The following AGAP1 variants were observed in gnomAD, a reference collection of about 807,000 sequenced individuals.
AGAP1 encodes arf-GAP with GTPase, ANK repeat and PH domain-containing protein 1.
AGAP1 carries 29 observed loss-of-function variants against 105.3 expected under a neutral mutation model. The ratio of observed to expected loss-of-function variants is 0.28; its 90% confidence interval spans 0.21 to 0.38. AGAP1 has a LOEUF of 0.38. Ranked by LOEUF, AGAP1 falls within the 10% of genes least tolerant of loss-of-function variation. The pLI is 1.00. For synonymous variants in AGAP1, 509 were observed against 485.9 expected, an observed-to-expected ratio of 1.05 and a Z score of -0.63; for missense variants, 998 against 1,165.1, an observed-to-expected ratio of 0.86 and a Z score of 2.09.
At chr2:236,039,852 G>A (rs1210479352) in intron 14 of AGAP1, among the ~76,000 whole-genome samples, 2 of 152,148 alleles carry the variant, frequency 1.3e-5, no homozygotes, top group Non-Finnish European at 2.9e-5. Flanking sequence ...CTTAACTATG[G>A]ATGGCCGTAT....
intron 1 of AGAP1, among the ~76,000 whole-genome samples, chr2:235,570,282 T>C (rs4571013): frequency 0.62 from 93,768 of 152,132 alleles, 31,438 homozygotes; most frequent in African/African-American, 0.9. Flanking sequence ...TACAAGCCCC[T>C]GCCTCCATTA....
chr2:235,558,736 C>T (rs1456356928), intron 1 of AGAP1, among the ~76,000 whole-genome samples: 1 of 152,080 alleles, frequency 6.6e-6, no homozygotes, highest in African/African-American at 2.4e-5. Context: ...CGCTTTCAGC[C>T]GCAGCAACTT....
Position 236,012,725 on chromosome 2 carries a change from A to T in AGAP1, c.1646-23836A>T, listed in dbSNP as rs1466657600. On this transcript the variant is annotated intron_variant, in intron 13 of 17. Transcript: ENST00000304032. This position sits in a 1 kb window ranked among gnomAD's most constrained non-coding sequence, Gnocchi z 4.9. ...TAAATGTAGACCCGTATCCTTTAAC[A>T]CCGCAGATGCCTGCTAGTTTAGAGG... Among the ~76,000 whole-genome samples the T allele has an allele frequency of 6.6e-6, 1 of 152,026 alleles. No homozygotes were observed. Among genetic ancestry groups the T allele is most frequent in the Non-Finnish European group, 1.5e-5 (1 of 68,036 alleles).
intron 9 of AGAP1, among the ~76,000 whole-genome samples, chr2:235,868,066 C>T (rs2049266768): frequency 7.2e-5 from 11 of 152,126 alleles, no homozygotes; most frequent in Admixed American, 7.2e-4. Context: ...TTTCTTTGAC[C>T]TATTTTAGAA....
intron 11 of AGAP1, among the ~76,000 whole-genome samples, chr2:235,912,130 T>C (rs2125060889): frequency 1.3e-5 from 2 of 152,386 alleles, no homozygotes; most frequent in East Asian, 3.9e-4. Flanking sequence ...AGCAGCTTCA[T>C]TAAAATCTTG....
chr2:235,605,931 G>T (rs1447340555), intron 1 of AGAP1, among the ~76,000 whole-genome samples: 1 of 152,218 alleles, frequency 6.6e-6, no homozygotes, highest in Non-Finnish European at 1.5e-5. Context: ...AGTGCTGTCT[G>T]CAGACACAAA....
At chr2:235,670,144 G>A in intron 1 of AGAP1, 1 of 581,348 alleles carries the variant, frequency 1.7e-6, no homozygotes, top group South Asian at 1.8e-5. Context: ...CGCCACCCGC[G>A]GACGCGATGC....
In AGAP1 at chr2:235,984,493, T is replaced by TAAA. The variant is rs34531445; in HGVS notation, c.1645+15883_1645+15885dup. On this transcript the variant is annotated intron_variant, in intron 13 of 17. Coordinates refer to ENST00000304032, the MANE Select transcript of AGAP1 (RefSeq NM_001037131.3). Reference sequence around the variant, plus strand: ...TTCTTTTTTTTTTTCCTTTATTTCTTAAAAAAAAAAAAAAATAGATGCGCA... The same window carrying TAAA: ...TTCTTTTTTTTTTTCCTTTATTTCTTAAAAAAAAAAAAAAAAAATAGATGCGCA... Among the ~76,000 whole-genome samples the TAAA allele has an allele frequency of 6.3e-4, 88 of 139,300 alleles. 1 individual carries two copies. Among genetic ancestry groups the TAAA allele is most frequent in the African/African-American group, 1.6e-3 (58 of 37,308 alleles). 91.4% of individuals were successfully genotyped at this position (139,300 alleles called of 152,430 possible).
chr2:235,844,103 A>T (rs1961186386), intron 9 of AGAP1, among the ~76,000 whole-genome samples: 1 of 152,154 alleles, frequency 6.6e-6, no homozygotes, highest in Admixed American at 6.5e-5. Context: ...TTCCTGCTGA[A>T]AGCCTTCTGG....
rs534018622 is a variant in AGAP1 at position 235,725,050 on chromosome 2, G to A, written c.310+7406G>A. On this transcript the variant is annotated intron_variant, in intron 3 of 17. Transcript: ENST00000304032. The surrounding 1 kb of genome is among the most constrained non-coding windows in gnomAD (Gnocchi z 5.7). ...AGGCTGTGCTGCACTGAGGCTGAAG[G>A]GTTCTGGGATTTTCCACTGTGTGTT... Among the ~76,000 whole-genome samples the A allele has an allele frequency of 2.6e-5, 4 of 152,308 alleles. No individual in the cohort carries two copies. Among genetic ancestry groups the A allele is most frequent in the African/African-American group, 9.6e-5 (4 of 41,562 alleles).
chr2:235,852,790 G>C (rs922262745), intron 9 of AGAP1: 74 of 1,535,408 alleles, frequency 4.8e-5, no homozygotes, highest in Non-Finnish European at 6.1e-5. Context: ...GGGGTGGTCA[G>C]ACCAGCCCGC....
rs775350024 is a variant in AGAP1, at chr2:235,724,692, C to T, written c.310+7048C>T. 6.6e-6 allele frequency among the ~76,000 whole-genome samples: 1 copy of T among 152,096 alleles called. No individual in the cohort carries two copies. Among genetic ancestry groups the T allele is most frequent in the Admixed American group, 6.5e-5 (1 of 15,270 alleles). On this transcript the variant is annotated intron_variant, in intron 3 of 17. Transcript: ENST00000304032. This position sits in a 1 kb window ranked among gnomAD's most constrained non-coding sequence, Gnocchi z 4.9. Reference sequence around the variant, plus strand: ...GAGGAAAAGCTTTAAGAGAAAATACCAGGTGCTAAGAGTAATTATAACTAC... The same window carrying T: ...GAGGAAAAGCTTTAAGAGAAAATACTAGGTGCTAAGAGTAATTATAACTAC...
At chr2:235,758,644 A>G (rs1161507840) in intron 6 of AGAP1, among the ~76,000 whole-genome samples, 1 of 152,188 alleles carries the variant, frequency 6.6e-6, no homozygotes, top group Non-Finnish European at 1.5e-5. Context: ...GGGGGTTCAT[A>G]TTTGAACATT....
intron 12 of AGAP1, among the ~76,000 whole-genome samples, chr2:235,949,527 C>A (rs76555794): frequency 0.023 from 3,548 of 152,242 alleles, 147 homozygotes; most frequent in African/African-American, 0.081. Context: ...TCTTTCTTCA[C>A]AACTGAACAG....
At chr2:235,634,437 C>T (rs983917729) in intron 1 of AGAP1, among the ~76,000 whole-genome samples, 5 of 152,186 alleles carry the variant, frequency 3.3e-5, no homozygotes, top group East Asian at 1.9e-4. Flanking sequence ...AGATGGGACT[C>T]GGTCCTGTCA....
rs1240493000 is a variant in AGAP1 at position 235,792,472 on chromosome 2, C to A, written c.674-5287C>A. 6.6e-6 allele frequency among the ~76,000 whole-genome samples: 1 copy of A among 152,200 alleles called. No homozygotes were observed. Among genetic ancestry groups the A allele is most frequent in the Admixed American group, 6.5e-5 (1 of 15,272 alleles). ...AGCTGTTGAAAAACTGGAAATAGAA[C>A]AGCGCTGTGGTAAGATTTGCCTTTG... is the stretch of plus-strand genomic sequence containing the variant. On this transcript the variant is annotated intron_variant, in intron 6 of 17. Coordinates refer to ENST00000304032, the MANE Select transcript of AGAP1 (RefSeq NM_001037131.3). This position sits in a 1 kb window ranked among gnomAD's most constrained non-coding sequence, Gnocchi z 5.3.
In AGAP1 at chr2:236,000,762, A is replaced by G. The variant is rs2056084239; in HGVS notation, c.1645+32139A>G. Among the ~76,000 whole-genome samples, 1 of 152,196 alleles carries G rather than the reference A, an allele frequency of 6.6e-6. No homozygotes were observed. Among genetic ancestry groups the G allele is most frequent in the East Asian group, 1.9e-4 (1 of 5,166 alleles). ...GGCAGGTACTAGAGATTGTGTTTGC[A>G]GTGAGGGCCACTAAGGGGGGCGGAG... On this transcript the variant is annotated intron_variant, in intron 13 of 17. Coordinates refer to ENST00000304032, the MANE Select transcript of AGAP1 (RefSeq NM_001037131.3). The surrounding 1 kb of genome is among the most constrained non-coding windows in gnomAD (Gnocchi z 4.3).
At chr2:236,054,376 T>C (rs887726292) in intron 16 of AGAP1, among the ~76,000 whole-genome samples, 1 of 151,764 alleles carries the variant, frequency 6.6e-6, no homozygotes, top group African/African-American at 2.4e-5. Flanking sequence ...GCCCCAGGAT[T>C]GTCTCATCTT....
chr2:235,768,704 C>G (rs2696392), intron 6 of AGAP1, among the ~76,000 whole-genome samples: 38,657 of 152,122 alleles, frequency 0.25, 5,313 homozygotes, highest in Admixed American at 0.4. Context: ...GGGGCACATT[C>G]ACAGAACCTA....
Sources: allele counts gnomAD v4.1 joint callset (sites outside exome capture counted in the v4.1 genomes callset), GRCh38; gene constraint gnomAD v4.1.1; non-coding constraint Gnocchi (gnomAD v3.1); transcripts MANE v1.5; gene names NCBI Gene and HGNC (gene_info 2026-07-23, HGNC 2026-07-21).